ANK3: variants seen among roughly 807,000 people sequenced by gnomAD.
ANK3 encodes ankyrin 3, also known as ankyrin-3.
ANK3 carries 57 observed loss-of-function variants against 370.9 expected under a neutral mutation model. The observed-to-expected ratio is 0.15, with a 90% CI of 0.12 to 0.19. ANK3 has a LOEUF of 0.19. Among genes scored for constraint, ANK3 ranks in the 10% least tolerant of loss-of-function variants. ANK3 has a pLI of 1.00. For synonymous variants in ANK3, 1,929 were observed against 1,946.3 expected, an observed-to-expected ratio of 0.99 and a Z score of 0.23; for missense variants, 4,439 against 5,302.1, an observed-to-expected ratio of 0.84 and a Z score of 5.06.
chr10:60,594,648 G>C (rs1179058103), intron 2 of ANK3, among the ~76,000 whole-genome samples: 1 of 151,946 alleles, frequency 6.6e-6, no homozygotes, highest in African/African-American at 2.4e-5. Flanking sequence ...ATATATATAA[G>C]AAAAGTAAAA....
intron 13 of ANK3, 126 bp downstream of exon 13, chr10:60,200,003 T>C (rs1277947310): frequency 1.5e-6 from 1 of 676,700 alleles, no homozygotes; most frequent in African/African-American, 1.8e-5. Context: ...GTAGGGACTT[T>C]TATCATTGGA....
At chr10:60,138,697 T>C in intron 24 of ANK3, 1 of 501,362 alleles carries the variant, frequency 2.0e-6, no homozygotes, top group Non-Finnish European at 3.5e-6. Context: ...CAGTGAGCTC[T>C]TTTGCTACTG....
At chr10:60,229,245 T>C (rs2097207676) in intron 8 of ANK3, among the ~76,000 whole-genome samples, 1 of 152,138 alleles carries the variant, frequency 6.6e-6, no homozygotes. Flanking sequence ...TGAAGAAACA[T>C]TTTCAGGCTA....
chr10:60,269,922 G>A (rs1047143237), intron 5 of ANK3, among the ~76,000 whole-genome samples: 2 of 152,060 alleles, frequency 1.3e-5, no homozygotes, highest in African/African-American at 4.8e-5. Flanking sequence ...ATAGAATCGG[G>A]CATTTAAGAG....
chr10:60,509,729 T>C (rs1203693958), intron 2 of ANK3, among the ~76,000 whole-genome samples: 1 of 152,158 alleles, frequency 6.6e-6, no homozygotes, highest in Non-Finnish European at 1.5e-5. Flanking sequence ...GAACAAACTA[T>C]TAACAATCAG....
chr10:60,572,866 G>A, intron 2 of ANK3: 1 of 1,050,914 alleles, frequency 9.5e-7, no homozygotes, highest in Non-Finnish European at 1.1e-6. Context: ...TTCCTCCACA[G>A]TGATTTGAGC....
intron 5 of ANK3, among the ~76,000 whole-genome samples, chr10:60,265,950 C>T (rs1220891331): frequency 1.3e-5 from 2 of 152,130 alleles, no homozygotes; most frequent in Non-Finnish European, 2.9e-5. Context: ...GCTATTTCCC[C>T]CACCCTGAAA....
At chr10:60,234,349 G>C (rs905513341) in intron 8 of ANK3, among the ~76,000 whole-genome samples, 1 of 152,142 alleles carries the variant, frequency 6.6e-6, no homozygotes, top group African/African-American at 2.4e-5. Flanking sequence ...TCTACCAGCA[G>C]TGCACAAGAG....
At chr10:60,136,428 G>A (rs1043530545) in intron 24 of ANK3, among the ~76,000 whole-genome samples, 6 of 152,184 alleles carry the variant, frequency 3.9e-5, no homozygotes, top group South Asian at 4.2e-4. Context: ...TTTGAGAGTC[G>A]CCGGCCACTC....
chr10:60,255,967 A>T (rs2097728755), intron 7 of ANK3, among the ~76,000 whole-genome samples: 1 of 152,092 alleles, frequency 6.6e-6, no homozygotes, highest in Non-Finnish European at 1.5e-5. Flanking sequence ...ACTTGGGGGA[A>T]ATGAGATAGA....
intron 1 of ANK3, among the ~76,000 whole-genome samples, chr10:60,685,608 G>A (rs1006499746): frequency 6.6e-6 from 1 of 152,172 alleles, no homozygotes; most frequent in Admixed American, 6.5e-5. Context: ...CAAATCTTCA[G>A]CTAATCTAAA....
intron 2 of ANK3, among the ~76,000 whole-genome samples, chr10:60,578,454 A>G (rs2077708408): frequency 2.0e-5 from 3 of 152,212 alleles, no homozygotes; most frequent in African/African-American, 7.2e-5. Flanking sequence ...TCTTCCCTAA[A>G]TCCATGTGTT....
intron 2 of ANK3, among the ~76,000 whole-genome samples, chr10:60,436,561 G>T (rs1402927997): frequency 6.6e-6 from 1 of 152,166 alleles, no homozygotes; most frequent in Non-Finnish European, 1.5e-5. Context: ...GGCTAAAGAT[G>T]TTGAGAATCT....
intron 1 of ANK3, among the ~76,000 whole-genome samples, chr10:60,731,146 C>T (rs549678854): frequency 6.6e-6 from 1 of 152,026 alleles, no homozygotes; most frequent in Non-Finnish European, 1.5e-5. Flanking sequence ...GAGTCCATAA[C>T]AATTATATTC....
chr10:60,292,555 A>G (rs573423311), intron 1 of ANK3, among the ~76,000 whole-genome samples: 3 of 152,280 alleles, frequency 2.0e-5, no homozygotes, highest in South Asian at 4.1e-4. Context: ...TAAGATAGTA[A>G]TCAAAGGTTT....
intron 2 of ANK3, among the ~76,000 whole-genome samples, chr10:60,526,944 T>C (rs368558768): frequency 3.9e-5 from 6 of 152,268 alleles, no homozygotes; most frequent in African/African-American, 1.4e-4. Flanking sequence ...TTTCTGAATA[T>C]ATGTATTGTG....
intron 1 of ANK3, among the ~76,000 whole-genome samples, chr10:60,357,182 A>T (rs2057894027): frequency 6.6e-6 from 1 of 152,072 alleles, no homozygotes; most frequent in Admixed American, 6.5e-5. Flanking sequence ...GGCCTCTTAC[A>T]TCCTTGACCT....
intron 2 of ANK3, among the ~76,000 whole-genome samples, chr10:60,590,851 T>A (rs902206096): frequency 1.3e-5 from 2 of 152,266 alleles, no homozygotes; most frequent in African/African-American, 2.4e-5. Context: ...TTTTTACTTG[T>A]ATTTTTATTG....
At position 60,144,406 on chromosome 10, in the gene ANK3, T is replaced by C. The variant is rs576200435; in HGVS notation, c.2615-5319A>G. 4.6e-5 allele frequency among the ~76,000 whole-genome samples: 7 copies of C among 152,356 alleles called. No homozygotes were observed. The South Asian group carries it at 1.5e-3, about 32-fold the overall frequency. Reference sequence around the variant, plus strand: ...AAGGCCTCACTTAGTATTGACTTGATGCATTTCGAAACTTTTATCTTGAGC... The same window carrying C: ...AAGGCCTCACTTAGTATTGACTTGACGCATTTCGAAACTTTTATCTTGAGC... On this transcript the variant is annotated intron_variant, in intron 23 of 43. Transcript: ENST00000280772.
Sources: allele counts gnomAD v4.1 joint callset (sites outside exome capture counted in the v4.1 genomes callset), GRCh38; gene constraint gnomAD v4.1.1; transcripts MANE v1.5; gene names NCBI Gene and HGNC (gene_info 2026-07-23, HGNC 2026-07-21).